IL20RA: variants seen among roughly 807,000 people sequenced by gnomAD.
IL20RA encodes the protein interleukin 20 receptor subunit alpha.
A neutral mutation model predicts 36.5 loss-of-function variants in IL20RA; 29 were observed. That is an observed-to-expected ratio of 0.79 (90% CI 0.59 to 1.08). The LOEUF (loss-of-function observed/expected upper bound fraction) is 1.08. Ranked by LOEUF, IL20RA falls within the 50% of genes least tolerant of loss-of-function variation. The pLI, the probability that IL20RA is intolerant of heterozygous loss-of-function variation, is 0.00. For missense variants in IL20RA, 652 were observed against 668.4 expected, an observed-to-expected ratio of 0.98 and a Z score of 0.27; for synonymous variants, 279 against 267.1, an observed-to-expected ratio of 1.04 and a Z score of -0.43.
At chr6:137,008,454 C>T in intron 5 of IL20RA, 145 bp downstream of exon 5, 1 of 776,076 alleles carries the variant, frequency 1.3e-6, no homozygotes, top group Admixed American at 2.9e-5. Context: ...CTGCTCCACG[C>T]ATTTCTGGTG....
rs755144168 is a variant in IL20RA at position 137,044,961 on chromosome 6, T to A, written c.-233A>T. ...ACGCGCGCTCCCCCGGCTACCCAGC[T>A]GGATGGCAGCGCGAGGGCAGTTCTC... On this transcript the variant is annotated 5_prime_UTR_variant, in exon 1 of 7. Coordinates refer to ENST00000316649, the MANE Select transcript of IL20RA (RefSeq NM_014432.4). 2.7e-5 allele frequency: 9 copies of A among 328,726 alleles called. 1 individual carries two copies. The highest frequency in any genetic ancestry group is 4.9e-5 in the Non-Finnish European group (9 of 183,200). 20.4% of individuals were successfully genotyped at this position (328,726 alleles called of 1,614,324 possible).
In IL20RA at chr6:137,011,369, T is replaced by G; in HGVS notation, c.308A>C (p.Asp103Ala). 1 of 1,613,726 alleles carries G rather than the reference T, an allele frequency of 6.2e-7. No individual in the cohort carries two copies. The highest frequency in any genetic ancestry group is 8.5e-7 in the Non-Finnish European group (1 of 1,179,610). ...TYCDLSAETSDYEHQYYAKVK... is the reference protein window; with the variant it reads ...TYCDLSAETSAYEHQYYAKVK... ...TTTGGCATAATACTGGTGTTCGTAG[T>G]CAGAAGTTTCAGCAGAAAGATCACA... is the stretch of plus-strand genomic sequence containing the variant. Residue 103 changes from aspartate (D) to alanine (A), a missense_variant, in exon 3 of 7, where the codon GAC becomes GCC. By Grantham distance (126) the Asp-to-Ala change is moderately radical. Coordinates refer to ENST00000316649, the MANE Select transcript of IL20RA (RefSeq NM_014432.4).
At chr6:137,014,262 A>AT (rs1347360291) in intron 2 of IL20RA, among the ~76,000 whole-genome samples, 2 of 152,172 alleles carry the variant, frequency 1.3e-5, no homozygotes, top group Non-Finnish European at 1.5e-5. Context: ...AATATGGTAA[A>AT]TTTTTTTAAT....
At chr6:137,010,632 T>C (rs1775458622) in intron 3 of IL20RA, among the ~76,000 whole-genome samples, 1 of 152,192 alleles carries the variant, frequency 6.6e-6, no homozygotes, top group African/African-American at 2.4e-5. Context: ...GCTCAGGGGA[T>C]GGCAACATTT....
intron 1 of IL20RA, among the ~76,000 whole-genome samples, chr6:137,040,955 T>C (rs1340953872): frequency 1.3e-5 from 2 of 152,234 alleles, no homozygotes; most frequent in African/African-American, 2.4e-5. Flanking sequence ...CGTAACTTTA[T>C]AGTAAGAAAC....
At chr6:137,008,481 T>A in intron 5 of IL20RA, 118 bp downstream of exon 5, 2 of 1,073,830 alleles carry the variant, frequency 1.9e-6, no homozygotes, top group Non-Finnish European at 2.6e-6. Flanking sequence ...GTTTCTGCCT[T>A]TGCCTCAACC....
In IL20RA at chr6:137,008,759, G is replaced by T; in HGVS notation, c.580-16C>A. On this transcript the variant is annotated splice_polypyrimidine_tract_variant and intron_variant, in intron 4 of 6. Transcript: ENST00000316649. ...ACTGGGACCACTAGGATAGGGAATT[G>T]CAAACATTGGTTAGAGCCAGACATT... 1 of 1,555,306 alleles carries T rather than the reference G, an allele frequency of 6.4e-7. No individual in the cohort carries two copies. The highest frequency in any genetic ancestry group is 1.9e-5 in the Admixed American group (1 of 53,844).
At chr6:137,033,415 T>G (rs1562241652) in intron 1 of IL20RA, among the ~76,000 whole-genome samples, 1 of 152,252 alleles carries the variant, frequency 6.6e-6, no homozygotes, top group Non-Finnish European at 1.5e-5. Flanking sequence ...AGGTAGGACC[T>G]GGTGGGAGGT....
intron 1 of IL20RA, among the ~76,000 whole-genome samples, chr6:137,025,208 C>G (rs1034241804): frequency 1.3e-5 from 2 of 152,114 alleles, no homozygotes; most frequent in African/African-American, 2.4e-5. Flanking sequence ...ATCCTAACAC[C>G]CAATGTATGG....
chr6:137,014,845 A>G (rs1285817159), intron 2 of IL20RA, among the ~76,000 whole-genome samples: 1 of 152,036 alleles, frequency 6.6e-6, no homozygotes, highest in Non-Finnish European at 1.5e-5. Flanking sequence ...GTCATCACTA[A>G]GTTCTTCTTT....
At chr6:137,004,903 T>A (rs758947916) in intron 5 of IL20RA, 143 bp from the exon 6 acceptor site, 1 of 726,376 alleles carries the variant, frequency 1.4e-6, no homozygotes. Flanking sequence ...CACCTCTACG[T>A]TGAGAAGCTT....
At chr6:137,031,802 T>TA (rs1776294012) in intron 1 of IL20RA, among the ~76,000 whole-genome samples, 1 of 151,940 alleles carries the variant, frequency 6.6e-6, no homozygotes, top group Non-Finnish European at 1.5e-5. Context: ...TGCCTGTAGT[T>TA]ACAGCATTTT....
At chr6:137,040,308 G>T (rs866501772) in intron 1 of IL20RA, among the ~76,000 whole-genome samples, 1 of 151,892 alleles carries the variant, frequency 6.6e-6, no homozygotes, top group Non-Finnish European at 1.5e-5. Flanking sequence ...AGATGTGTGT[G>T]TATAACTACG....
At chr6:137,030,693 C>T (rs1776246969) in intron 1 of IL20RA, among the ~76,000 whole-genome samples, 1 of 151,990 alleles carries the variant, frequency 6.6e-6, no homozygotes, top group South Asian at 2.1e-4. Context: ...TTTTTGTTGC[C>T]TTTCTCAAAT....
chr6:137,009,329 T>C lies in IL20RA; in HGVS notation c.567A>G (p.Lys189=). 1 of 1,612,952 alleles carries C rather than the reference T, an allele frequency of 6.2e-7. No individual in the cohort carries two copies. Among genetic ancestry groups the C allele is most frequent in the Non-Finnish European group, 8.5e-7 (1 of 1,178,982 alleles). ...LKYNVSVLNT[K]SNRTWSQCVT... is the part of the protein sequence containing the mutation. ...ATTTCAGGCTTACCGTTCTGTTTGA[T>C]TTAGTATTCAACACAGACACGTTAT... The change falls in exon 4 of 7, where the codon AAA becomes AAG. Residue 189 remains lysine, a synonymous_variant. Coordinates refer to ENST00000316649, the MANE Select transcript of IL20RA (RefSeq NM_014432.4).
chr6:137,015,536 G>T (rs764960946), intron 2 of IL20RA, among the ~76,000 whole-genome samples: 2 of 152,082 alleles, frequency 1.3e-5, no homozygotes, highest in African/African-American at 4.8e-5. Context: ...ATGAATAGGC[G>T]CTATGCTAGT....
At chr6:137,033,228 T>C (rs1247436763) in intron 1 of IL20RA, among the ~76,000 whole-genome samples, 4 of 152,224 alleles carry the variant, frequency 2.6e-5, no homozygotes, top group African/African-American at 9.6e-5. Flanking sequence ...CATGGCAACA[T>C]CACTCCAGTC....
chr6:137,008,830 C>G, intron 4 of IL20RA, 87 bp from the exon 5 acceptor site: 1 of 810,108 alleles, frequency 1.2e-6, no homozygotes, highest in Non-Finnish European at 1.8e-6. Flanking sequence ...AATAGAAGAC[C>G]AAGGCACCAT....
At chr6:137,022,641 T>C (rs1335773740) in intron 1 of IL20RA, among the ~76,000 whole-genome samples, 3 of 152,168 alleles carry the variant, frequency 2.0e-5, no homozygotes, top group African/African-American at 4.8e-5. Flanking sequence ...AAATAAAATA[T>C]ATATTAAAGT....
Sources: gnomAD v4.1 joint callset for allele counts (sites outside exome capture counted in the v4.1 genomes callset) on GRCh38, gnomAD v4.1.1 for gene constraint, MANE v1.5 for transcripts, NCBI Gene and HGNC (gene_info 2026-07-23, HGNC 2026-07-21) for gene names.